Variants in BCKDHB observed in about 807,000 individuals in gnomAD.
BCKDHB encodes the protein branched chain keto acid dehydrogenase E1 subunit beta.
BCKDHB carries 41 observed loss-of-function variants against 48.5 expected under a neutral mutation model. The observed-to-expected ratio is 0.85, with a 90% CI of 0.66 to 1.10. The LOEUF is 1.10. Among genes scored for constraint, BCKDHB ranks in the 50% least tolerant of loss-of-function variants. BCKDHB has a pLI of 0.00. For synonymous variants in BCKDHB, 201 were observed against 174.8 expected, an observed-to-expected ratio of 1.15 and a Z score of -1.18; for missense variants, 496 against 494.2, an observed-to-expected ratio of 1.00 and a Z score of -0.03.
intron 1 of BCKDHB, among the ~76,000 whole-genome samples, chr6:80,107,526 T>TGC (rs1402499409): frequency 1.9e-4 from 26 of 134,608 alleles, no homozygotes; most frequent in South Asian, 1.7e-3. Flanking sequence ...TATATATATA[T>TGC]ATGCATATAT....
intron 8 of BCKDHB, among the ~76,000 whole-genome samples, chr6:80,235,188 T>C (rs1776098392): frequency 6.6e-6 from 1 of 152,328 alleles, no homozygotes; most frequent in East Asian, 1.9e-4. Flanking sequence ...AAATGATCAG[T>C]GTTTGAGATG....
At chr6:80,401,914 G>C in the BCKDHB span, among the ~76,000 whole-genome samples, 1 of 151,586 alleles carries the variant, frequency 6.6e-6, no homozygotes, top group African/African-American at 2.4e-5. Context: ...ACAAAAGTCA[G>C]GATTTCCTTT....
At chr6:80,390,755 G>T in the BCKDHB span, among the ~76,000 whole-genome samples, 435 of 152,172 alleles carry the variant, frequency 2.9e-3, 2 homozygotes, top group Admixed American at 4.3e-3. Flanking sequence ...AGTTGAAAAG[G>T]GGTGGACTTA....
chr6:80,421,046 G>A, the BCKDHB span, among the ~76,000 whole-genome samples: 1 of 152,118 alleles, frequency 6.6e-6, no homozygotes, highest in African/African-American at 2.4e-5. Flanking sequence ...ATATGGTTTG[G>A]CTCTGTGTCT....
chr6:80,200,809 A>G, intron 6 of BCKDHB, 125 bp from the exon 7 acceptor site: 1 of 751,038 alleles, frequency 1.3e-6, no homozygotes, highest in Non-Finnish European at 2.2e-6. Context: ...GTTTTAAGTA[A>G]TACAGAATTT....
At chr6:80,440,861 G>T in the BCKDHB span, 2 of 152,108 alleles carry the variant, frequency 1.3e-5, no homozygotes, top group Non-Finnish European at 2.9e-5. Flanking sequence ...TGGACTCTTT[G>T]TTTGATGGCT....
chr6:80,414,077 C>T, the BCKDHB span, among the ~76,000 whole-genome samples: 23 of 152,088 alleles, frequency 1.5e-4, no homozygotes, highest in Admixed American at 5.2e-4. Context: ...TTCATATGAT[C>T]ATTGGCCACA....
the BCKDHB span, among the ~76,000 whole-genome samples, chr6:80,416,768 A>C: frequency 9.3e-5 from 11 of 118,250 alleles, no homozygotes; most frequent in South Asian, 2.4e-3. Context: ...TTTTATTTTT[A>C]TTTTTATTTT....
chr6:80,154,751 A>G (rs937867509), intron 3 of BCKDHB, among the ~76,000 whole-genome samples: 3 of 152,180 alleles, frequency 2.0e-5, no homozygotes, highest in Non-Finnish European at 4.4e-5. Context: ...TTTGATAACT[A>G]TGATAATTCA....
intron 9 of BCKDHB, among the ~76,000 whole-genome samples, chr6:80,316,442 A>G (rs976133065): frequency 6.6e-6 from 1 of 152,030 alleles, no homozygotes; most frequent in Non-Finnish European, 1.5e-5. Flanking sequence ...TCATAAGAAT[A>G]TAAAATATAC....
chr6:80,145,797 G>C (rs971720303), intron 3 of BCKDHB, among the ~76,000 whole-genome samples: 1 of 152,150 alleles, frequency 6.6e-6, no homozygotes, highest in African/African-American at 2.4e-5. Flanking sequence ...GGTACAGGAA[G>C]TAGGTAGTTA....
At chr6:80,161,083 C>T (rs1187398225) in intron 3 of BCKDHB, among the ~76,000 whole-genome samples, 4 of 152,124 alleles carry the variant, frequency 2.6e-5, no homozygotes, top group Non-Finnish European at 5.9e-5. Flanking sequence ...GTCAAAGCCA[C>T]TAACCACTGA....
rs183882747 is a variant in BCKDHB, at chr6:80,240,603, A to G, written c.952-32532A>G. ...GGTTTTCTAAATATACAATCATGTCATCTGCAAACAGGGACAATTTGACTT... is the reference window on the plus strand; with the variant it reads ...GGTTTTCTAAATATACAATCATGTCGTCTGCAAACAGGGACAATTTGACTT... On this transcript the variant is annotated intron_variant, in intron 8 of 9. Coordinates refer to ENST00000320393, the MANE Select transcript of BCKDHB (RefSeq NM_183050.4). Among the ~76,000 whole-genome samples the G allele has an allele frequency of 3.1e-3, 477 of 152,300 alleles. 5 individuals carry two copies. The highest frequency in any genetic ancestry group is 0.011 in the African/African-American group (453 of 41,572).
At chr6:80,298,219 T>C (rs913242483) in intron 9 of BCKDHB, among the ~76,000 whole-genome samples, 7 of 152,150 alleles carry the variant, frequency 4.6e-5, no homozygotes, top group African/African-American at 1.7e-4. Context: ...TTCAAGTGAT[T>C]CTCATACCTT....
At chr6:80,264,244 C>T (rs2127953960) in intron 8 of BCKDHB, among the ~76,000 whole-genome samples, 1 of 152,256 alleles carries the variant, frequency 6.6e-6, no homozygotes, top group South Asian at 2.1e-4. Context: ...GTCTTTGCTT[C>T]CCCAGTATTA....
At chr6:80,132,151 T>G (rs1770660888) in intron 3 of BCKDHB, among the ~76,000 whole-genome samples, 1 of 152,084 alleles carries the variant, frequency 6.6e-6, no homozygotes, top group Non-Finnish European at 1.5e-5. Context: ...ACTTGCTATC[T>G]GGGTCTCTCT....
chr6:80,142,745 C>G (rs1771285592), intron 3 of BCKDHB, among the ~76,000 whole-genome samples: 1 of 151,972 alleles, frequency 6.6e-6, no homozygotes, highest in South Asian at 2.1e-4. Flanking sequence ...GTTTATTTAT[C>G]TTTTGTCAGA....
At chr6:80,174,678 G>A (rs1230689783) in intron 6 of BCKDHB, among the ~76,000 whole-genome samples, 1 of 152,066 alleles carries the variant, frequency 6.6e-6, no homozygotes, top group Non-Finnish European at 1.5e-5. Flanking sequence ...GCCAAAGCTG[G>A]GCTTTTTCCC....
At chr6:80,402,316 C>T in the BCKDHB span, among the ~76,000 whole-genome samples, 7 of 151,594 alleles carry the variant, frequency 4.6e-5, no homozygotes, top group Non-Finnish European at 8.9e-5. Context: ...ATCTAATAGG[C>T]GTGAGATGAT....
Sources: allele counts gnomAD v4.1 joint callset (sites outside exome capture counted in the v4.1 genomes callset), GRCh38; gene constraint gnomAD v4.1.1; transcripts MANE v1.5; gene names NCBI Gene and HGNC (gene_info 2026-07-23, HGNC 2026-07-21).